Variants in DYNC1LI1 observed in about 807,000 individuals in gnomAD.
DYNC1LI1 encodes dynein cytoplasmic 1 light intermediate chain 1.
In DYNC1LI1, 19 loss-of-function variants were observed where a neutral mutation model predicts 63.8. The ratio of observed to expected loss-of-function variants is 0.30; its 90% CI spans 0.21 to 0.44. The LOEUF is 0.44. DYNC1LI1 is among the 20% of genes least tolerant of loss of function. DYNC1LI1 has a pLI of 1.00. For synonymous variants in DYNC1LI1, 225 were observed against 232.3 expected (o/e 0.97, Z 0.28); for missense variants, 565 against 630.2 (o/e 0.90, Z 1.11).
At chr3:32,543,991 G>A (rs889586963) in intron 4 of DYNC1LI1, among the ~76,000 whole-genome samples, 1 of 151,772 alleles carries the variant, frequency 6.6e-6, no homozygotes, top group African/African-American at 2.4e-5. Flanking sequence ...CTGGTGGGGG[G>A]GCGGGCAGAG....
rs1553617904 is a variant in DYNC1LI1 at position 32,537,972 on chromosome 3, A to AATTTATATATAATATATATATATAATT, written c.739-869_739-868insAATTATATATATATATTATATATAAAT. Among the ~76,000 whole-genome samples, 6 of 2,136 alleles carry AATTTATATATAATATATATATATAATT rather than the reference A, an allele frequency of 2.8e-3. 1 individual carries two copies. In the South Asian group the frequency reaches 0.07, roughly 25 times the overall value. 1.4% of individuals were successfully genotyped at this position (2,136 alleles called of 152,430 possible). A position where few individuals can be genotyped will look rare whatever the true frequency, so the allele number is the denominator to read the frequency against. ...TAATTTATATATATAATATATATAT[A>AATTTATATATAATATATATATATAATT]TTTATATATAATATATATATATAAT... On this transcript the variant is annotated intron_variant, in intron 5 of 12. Coordinates refer to ENST00000273130, the MANE Select transcript of DYNC1LI1 (RefSeq NM_016141.4).
At chr3:32,566,185 C>T (rs9882353) in intron 2 of DYNC1LI1, among the ~76,000 whole-genome samples, 3,545 of 150,730 alleles carry the variant, frequency 0.024, 142 homozygotes, top group African/African-American at 0.082. Context: ...GGCAGGAGGA[C>T]GGTTTGAGCC....
chr3:32,552,905 CA>C (rs1249555458), intron 2 of DYNC1LI1, among the ~76,000 whole-genome samples: 1 of 152,136 alleles, frequency 6.6e-6, no homozygotes, highest in Non-Finnish European at 1.5e-5. Context: ...GGGGTTTCAC[CA>C]TGTTGGCCAG....
intron 8 of DYNC1LI1, chr3:32,531,641 C>T (rs1158105840): frequency 6.6e-6 from 1 of 152,074 alleles, no homozygotes; most frequent in Non-Finnish European, 1.5e-5. Flanking sequence ...ACATCCAAAC[C>T]AAATACCACA....
intron 5 of DYNC1LI1, among the ~76,000 whole-genome samples, chr3:32,537,982 AAT>A (rs1553617914): frequency 0.02 from 697 of 34,236 alleles, 100 homozygotes; most frequent in African/African-American, 0.071. Context: ...ATTTATATAT[AAT>A]ATATATATAT....
rs1336644367 is a variant in DYNC1LI1 at position 32,565,020 on chromosome 3, GT to G, written c.220+5325del. 7.9e-5 allele frequency among the ~76,000 whole-genome samples: 12 copies of G among 152,296 alleles called. No homozygotes were observed. In the East Asian group the frequency reaches 1.9e-3, roughly 24 times the overall value. ...ACTTTCACATATACTTATTGATGAT[GT>G]TCAGCATTTTGTGGGACTTTTGGCT... On this transcript the variant is annotated intron_variant, in intron 2 of 12. Transcript: ENST00000273130.
At chr3:32,560,917 G>A (rs998833359) in intron 2 of DYNC1LI1, among the ~76,000 whole-genome samples, 3 of 138,570 alleles carry the variant, frequency 2.2e-5, no homozygotes, top group African/African-American at 5.4e-5. Flanking sequence ...CAGGATAATC[G>A]CTTGAACAAG....
intron 2 of DYNC1LI1, among the ~76,000 whole-genome samples, chr3:32,547,241 T>TCAAAACAAAACAAAACAAAA (rs113456328): frequency 6.6e-6 from 1 of 152,022 alleles, no homozygotes; most frequent in Non-Finnish European, 1.5e-5. Flanking sequence ...AGGCTCTGTC[T>TCAAAACAAAACAAAACAAAA]CAAAACAAAA....
At chr3:32,558,218 G>C (rs1328890674) in intron 2 of DYNC1LI1, among the ~76,000 whole-genome samples, 1 of 151,862 alleles carries the variant, frequency 6.6e-6, no homozygotes, top group Non-Finnish European at 1.5e-5. Context: ...GGGCAACAGA[G>C]CAAGACCCTG....
chr3:32,554,552 G>A (rs1280081235), intron 2 of DYNC1LI1, among the ~76,000 whole-genome samples: 2 of 152,166 alleles, frequency 1.3e-5, no homozygotes, highest in African/African-American at 2.4e-5. Flanking sequence ...TGAGGCCAAG[G>A]CTACAGTCAC....
chr3:32,537,330 A>T lies in DYNC1LI1; in HGVS notation c.739-226T>A, dbSNP rs534011974. The T allele has an allele frequency of 6.3e-4, 163 of 259,046 alleles. 1 individual carries two copies. Among genetic ancestry groups the T allele is most frequent in the African/African-American group, 3.4e-3 (153 of 45,020 alleles). The allele number at this position is 259,046 out of a possible 1,614,324, so 16.0% of individuals were successfully genotyped here. A position where few individuals can be genotyped will look rare whatever the true frequency, so the allele number is the denominator to read the frequency against. ...AGCATTAACTTCAACGTTAATGTTA[A>T]ATCTGGTCAGAACACCAAAGACAAA... On this transcript the variant is annotated intron_variant, in intron 5 of 12. Transcript: ENST00000273130.
intron 2 of DYNC1LI1, among the ~76,000 whole-genome samples, chr3:32,567,992 C>T (rs1311372683): frequency 1.3e-5 from 2 of 152,192 alleles, no homozygotes; most frequent in African/African-American, 4.8e-5. Context: ...CAGGAGCTGC[C>T]GTGCCAGGCC....
chr3:32,538,658 G>A (rs112696579), intron 5 of DYNC1LI1, among the ~76,000 whole-genome samples: 2,964 of 151,610 alleles, frequency 0.02, 42 homozygotes, highest in South Asian at 0.041. Flanking sequence ...CCAAGATTGC[G>A]CCACCGCACT....
chr3:32,540,892 C>T, intron 5 of DYNC1LI1, 145 bp downstream of exon 5: 1 of 517,246 alleles, frequency 1.9e-6, no homozygotes. Flanking sequence ...ATGTTAATAT[C>T]ATTAAATACT....
intron 2 of DYNC1LI1, among the ~76,000 whole-genome samples, chr3:32,559,542 C>G (rs1698161285): frequency 6.6e-6 from 1 of 152,004 alleles, no homozygotes; most frequent in African/African-American, 2.4e-5. Context: ...CCCGGCCCAA[C>G]TCCTTTGTAA....
At chr3:32,543,047 C>G (rs1697903475) in intron 4 of DYNC1LI1, among the ~76,000 whole-genome samples, 1 of 152,162 alleles carries the variant, frequency 6.6e-6, no homozygotes, top group South Asian at 2.1e-4. Context: ...TTTCCACCCT[C>G]AAGAGTTTCT....
intron 2 of DYNC1LI1, among the ~76,000 whole-genome samples, chr3:32,563,229 C>G (rs1415283422): frequency 6.6e-6 from 1 of 151,336 alleles, no homozygotes; most frequent in African/African-American, 2.4e-5. Context: ...CTAATAGCCA[C>G]TGTCCTGATT....
chr3:32,534,689 A>G (rs1697751387), intron 6 of DYNC1LI1, 43 bp from the exon 7 acceptor site: 3 of 1,456,166 alleles, frequency 2.1e-6, no homozygotes, highest in Non-Finnish European at 2.7e-6. Context: ...AAATGTCATG[A>G]GCAAATACCA....
intron 11 of DYNC1LI1, among the ~76,000 whole-genome samples, chr3:32,529,178 TCTTTGACCTACTAATCCCA>T (rs1406015243): frequency 6.6e-6 from 1 of 152,202 alleles, no homozygotes; most frequent in Non-Finnish European, 1.5e-5. Context: ...AAACATAAAC[TCTTTGACCTACTAATCCCA>T]CTTATGGCAA....
Sources: gnomAD v4.1 joint callset for allele counts (sites outside exome capture counted in the v4.1 genomes callset) on GRCh38, gnomAD v4.1.1 for gene constraint, MANE v1.5 for transcripts, NCBI Gene and HGNC (gene_info 2026-07-23, HGNC 2026-07-21) for gene names.